TNFSF18: variants seen among roughly 807,000 people sequenced by gnomAD.
The protein encoded by TNFSF18 is TNF superfamily member 18, also known as tumor necrosis factor ligand superfamily member 18.
In TNFSF18, 6 loss-of-function variants were observed where a neutral mutation model predicts 9.6. The observed-to-expected ratio is 0.63, with a 90% CI of 0.34 to 1.24. The LOEUF (loss-of-function observed/expected upper bound fraction) is 1.24, where lower values mean the gene tolerates loss of function less well. Among genes scored for constraint, TNFSF18 ranks in the 50% most tolerant of loss-of-function variants. The pLI, the probability that TNFSF18 is intolerant of heterozygous loss-of-function variation, is 0.03. For synonymous variants in TNFSF18, 68 were observed against 71.7 expected (o/e 0.95, Z 0.26); for missense variants, 210 against 201.0 (o/e 1.04, Z -0.27).
At chr1:173,042,512 T>A (rs72718907) in intron 2 of TNFSF18, among the ~76,000 whole-genome samples, 3,314 of 151,980 alleles carry the variant, frequency 0.022, 47 homozygotes, top group Non-Finnish European at 0.034. Flanking sequence ...ATTAAATAAA[T>A]CCCCCAAAAA....
chr1:173,044,695 A>C (rs1234349484), intron 1 of TNFSF18, among the ~76,000 whole-genome samples: 1 of 152,230 alleles, frequency 6.6e-6, no homozygotes, highest in African/African-American at 2.4e-5. Context: ...AAGTGCTTAA[A>C]AGACTTTTTG....
At position 173,043,950 on chromosome 1, in the gene TNFSF18, A is replaced by T; in HGVS notation, c.176T>A (p.Met59Lys). 2 of 1,612,966 alleles carry T rather than the reference A, an allele frequency of 1.2e-6. No individual in the cohort carries two copies. The highest frequency in any genetic ancestry group is 1.7e-4 in the Middle Eastern group (1 of 6,058). ...LQLETAKEPCMAKFGPLPSKW... is the reference protein window; with the variant it reads ...LQLETAKEPCKAKFGPLPSKW... ...GATAGGTTACTCACCAAACTTAGCC[A>T]TACAGGGCTCCTTAGCAGTCTGTTG... Residue 59 changes from methionine (M) to lysine (K), a missense_variant, in exon 2 of 3, where the codon ATG (methionine) becomes AAG (lysine). Met to Lys is a moderately conservative substitution (Grantham distance 95). Transcript: ENST00000404377.
rs1428367327 is a variant in TNFSF18 at position 173,039,962 on chromosome 1, C to A, written c.*1405G>T. 6.6e-6 allele frequency: 1 copy of A among 151,830 alleles called. No homozygotes were observed. Among genetic ancestry groups the A allele is most frequent in the Non-Finnish European group, 1.5e-5 (1 of 67,986 alleles). The allele number at this position is 151,830 out of a possible 1,614,324, so 9.4% of individuals were successfully genotyped here. A position where few individuals can be genotyped will look rare whatever the true frequency, so the allele number is the denominator to read the frequency against. ...TACAAAAAAAACCTCTTTTAAATAG[C>A]TTTACATGTAATATTATTTAACATA... On this transcript the variant is annotated 3_prime_UTR_variant, in exon 3 of 3. Transcript: ENST00000404377.
chr1:173,044,860 G>A (rs1290347019), intron 1 of TNFSF18, among the ~76,000 whole-genome samples: 2 of 152,160 alleles, frequency 1.3e-5, no homozygotes, highest in African/African-American at 2.4e-5. Context: ...CTCTGACCAA[G>A]GTGCTAGCTC....
chr1:173,043,831 G>C lies in TNFSF18; in HGVS notation c.187+108C>G. The C allele has an allele frequency of 3.8e-6, 4 of 1,045,646 alleles. No individual in the cohort carries two copies. The South Asian group carries it at 3.8e-5, about 10-fold the overall frequency. The allele number at this position is 1,045,646 out of a possible 1,614,324, so 64.8% of individuals were successfully genotyped here. On this transcript the variant is annotated intron_variant, in intron 2 of 2. Transcript: ENST00000404377. ...ACATGATAAGTAATTATACATAGTA[G>C]CTCAGAAATGAATAAAAGAAAATAC...
intron 1 of TNFSF18, 39 bp downstream of exon 1, chr1:173,050,702 T>C: frequency 7.4e-7 from 1 of 1,348,850 alleles, no homozygotes; most frequent in South Asian, 1.3e-5. Flanking sequence ...AATAGAGGAT[T>C]ATAGCAAATA....
At chr1:173,049,365 C>CA (rs1489007798) in intron 1 of TNFSF18, among the ~76,000 whole-genome samples, 5 of 152,190 alleles carry the variant, frequency 3.3e-5, no homozygotes, top group African/African-American at 7.2e-5. Context: ...TTGCTATTCT[C>CA]ACCCTTCCTC....
chr1:173,048,561 C>G (rs549880053), intron 1 of TNFSF18, among the ~76,000 whole-genome samples: 29 of 152,270 alleles, frequency 1.9e-4, no homozygotes, highest in African/African-American at 7.0e-4. Context: ...ATTGACCAAA[C>G]TCCTTGGACT....
chr1:173,048,892 A>C (rs777807446), intron 1 of TNFSF18, among the ~76,000 whole-genome samples: 12 of 152,228 alleles, frequency 7.9e-5, no homozygotes, highest in Non-Finnish European at 1.5e-4. Flanking sequence ...GGGAAAGGGA[A>C]GTACAGGTAA....
intron 1 of TNFSF18, among the ~76,000 whole-genome samples, chr1:173,044,861 G>A (rs1665054134): frequency 6.6e-6 from 1 of 152,162 alleles, no homozygotes; most frequent in African/African-American, 2.4e-5. Flanking sequence ...TCTGACCAAG[G>A]TGCTAGCTCT....
At chr1:173,048,509 A>G (rs1040046853) in intron 1 of TNFSF18, among the ~76,000 whole-genome samples, 6 of 152,138 alleles carry the variant, frequency 3.9e-5, no homozygotes, top group Non-Finnish European at 1.5e-5. Context: ...TGAACATTTG[A>G]TTTCTTAGTG....
At chr1:173,047,429 CT>C (rs549206175) in intron 1 of TNFSF18, among the ~76,000 whole-genome samples, 14 of 152,302 alleles carry the variant, frequency 9.2e-5, no homozygotes, top group African/African-American at 2.9e-4. Context: ...TAAATATTAG[CT>C]GTTTGGGTGA....
At chr1:173,050,421 T>A (rs1427955901) in intron 1 of TNFSF18, among the ~76,000 whole-genome samples, 1 of 152,124 alleles carries the variant, frequency 6.6e-6, no homozygotes, top group African/African-American at 2.4e-5. Flanking sequence ...TATTTTTACC[T>A]TTTTTATTCC....
At chr1:173,045,789 A>G (rs1665072309) in intron 1 of TNFSF18, among the ~76,000 whole-genome samples, 1 of 152,172 alleles carries the variant, frequency 6.6e-6, no homozygotes, top group African/African-American at 2.4e-5. Context: ...GTCCCTGAGT[A>G]GGCAAGAGAG....
chr1:173,048,452 T>C (rs1358769711), intron 1 of TNFSF18, among the ~76,000 whole-genome samples: 5 of 152,144 alleles, frequency 3.3e-5, no homozygotes. Context: ...TAAGTACAAC[T>C]TCCCCTTCTG....
chr1:173,050,162 A>G (rs987948084), intron 1 of TNFSF18, among the ~76,000 whole-genome samples: 1 of 152,092 alleles, frequency 6.6e-6, no homozygotes, highest in Admixed American at 6.5e-5. Context: ...CCATTCCCCT[A>G]CCACCAGTTT....
intron 2 of TNFSF18, among the ~76,000 whole-genome samples, chr1:173,042,788 T>C (rs1328144216): frequency 2.6e-5 from 4 of 152,086 alleles, no homozygotes; most frequent in Non-Finnish European, 5.9e-5. Context: ...CTTTGTCCCA[T>C]AATTAAAAAG....
rs1323392904 is a variant in TNFSF18 at position 173,043,791 on chromosome 1, G to T, written c.187+148C>A. On this transcript the variant is annotated intron_variant, in intron 2 of 2. Transcript: ENST00000404377. ...TTTACCTCTGAAAGCCTCAGCTCTT[G>T]GGCAACTGCCCAGTACATGATAAGT... is the stretch of plus-strand genomic sequence containing the variant. The T allele has an allele frequency of 1.3e-5, 10 of 746,150 alleles. No homozygotes were observed. In the Admixed American group the frequency reaches 1.7e-4, roughly 13 times the overall value. 46.2% of individuals were successfully genotyped at this position (746,150 alleles called of 1,614,324 possible). A position where few individuals can be genotyped will look rare whatever the true frequency, so the allele number is the denominator to read the frequency against.
rs537501724 is a variant in TNFSF18 at position 173,039,788 on chromosome 1, T to C, written c.*1579A>G. Among the ~76,000 whole-genome samples, 1 of 151,580 alleles carries C rather than the reference T, an allele frequency of 6.6e-6. No homozygotes were observed. Among genetic ancestry groups the C allele is most frequent in the South Asian group, 2.1e-4 (1 of 4,784 alleles). ...CACATATGTATGACACACTTTAATT[T>C]CCTGAGAAGATATGCAAATGCAACA... On this transcript the variant is annotated 3_prime_UTR_variant, in exon 3 of 3. Coordinates refer to ENST00000404377, the MANE Select transcript of TNFSF18 (RefSeq NM_005092.4).
Sources: gnomAD v4.1 joint callset for allele counts (sites outside exome capture counted in the v4.1 genomes callset) on GRCh38, gnomAD v4.1.1 for gene constraint, MANE v1.5 for transcripts, NCBI Gene and HGNC (gene_info 2026-07-23, HGNC 2026-07-21) for gene names.